The following KCNIP4 variants were observed in gnomAD, a reference collection of about 807,000 sequenced individuals.
The protein encoded by KCNIP4 is Kv channel-interacting protein 4.
KCNIP4 carries 12 observed loss-of-function variants against 34.0 expected under a neutral mutation model. The ratio of observed to expected loss-of-function variants is 0.35; its 90% confidence interval spans 0.23 to 0.57. The LOEUF is 0.57. KCNIP4 is among the 20% of genes least tolerant of loss of function. The probability of loss-of-function intolerance (pLI) is 0.83; values close to 1 mark genes in which losing one functional copy is unlikely to be tolerated. For synonymous variants in KCNIP4, 124 were observed against 102.2 expected (o/e 1.21, Z -1.29); for missense variants, 238 against 311.7 (o/e 0.76, Z 1.78).
At chr4:21,397,390 A>C (rs938874563) in intron 1 of KCNIP4, among the ~76,000 whole-genome samples, 12 of 152,196 alleles carry the variant, frequency 7.9e-5, no homozygotes, top group African/African-American at 2.9e-4. Flanking sequence ...CACATTTATC[A>C]ATAGCATACT....
chr4:20,877,167 G>A lies in KCNIP4; in HGVS notation c.163+5441C>T, dbSNP rs115093567. Among the ~76,000 whole-genome samples, 1,438 of 152,248 alleles carry A rather than the reference G, an allele frequency of 9.4e-3. 20 individuals carry two copies. Among genetic ancestry groups the A allele is most frequent in the African/African-American group, 0.032 (1,349 of 41,550 alleles). ...GTTGTGGTACTTATCATCTGGGCTC[G>A]CTCTTTGGTGAGTTGACAATAGCTG... is the stretch of plus-strand genomic sequence containing the variant. On this transcript the variant is annotated intron_variant, in intron 2 of 8. Coordinates refer to ENST00000382152, the MANE Select transcript of KCNIP4 (RefSeq NM_025221.6).
At chr4:21,544,627 G>C (rs1360076906) in intron 1 of KCNIP4, 1 of 152,200 alleles carries the variant, frequency 6.6e-6, no homozygotes, top group African/African-American at 2.4e-5. Context: ...AGGCTGCCCT[G>C]CATTCCTTCT....
intron 1 of KCNIP4, among the ~76,000 whole-genome samples, chr4:21,826,524 T>C (rs1179727354): frequency 4.6e-5 from 7 of 152,134 alleles, no homozygotes; most frequent in Non-Finnish European, 1.0e-4. Flanking sequence ...AGGTGTTTTT[T>C]AAATAATTTA....
intron 3 of KCNIP4, among the ~76,000 whole-genome samples, chr4:20,834,101 G>A (rs1718757745): frequency 6.6e-6 from 1 of 152,086 alleles, no homozygotes. Flanking sequence ...ACAGAGACCA[G>A]GACTGAAACC....
intron 1 of KCNIP4, among the ~76,000 whole-genome samples, chr4:21,728,186 C>T (rs2109106297): frequency 6.6e-6 from 1 of 152,262 alleles, no homozygotes; most frequent in Non-Finnish European, 1.5e-5. Context: ...CATGTATCAA[C>T]ACAGCCAATT....
At chr4:21,741,323 G>C (rs1047128497) in intron 1 of KCNIP4, among the ~76,000 whole-genome samples, 2 of 152,144 alleles carry the variant, frequency 1.3e-5, no homozygotes, top group African/African-American at 4.8e-5. Flanking sequence ...TAGGTCTGCA[G>C]GGAACTCAAA....
At chr4:21,553,116 T>C (rs891850959) in intron 1 of KCNIP4, among the ~76,000 whole-genome samples, 3 of 143,540 alleles carry the variant, frequency 2.1e-5, no homozygotes, top group Non-Finnish European at 4.5e-5. Context: ...TGTAAAAGCC[T>C]AGAAAATAAC....
At chr4:20,957,838 G>T (rs1215792439) in intron 1 of KCNIP4, among the ~76,000 whole-genome samples, 1 of 152,096 alleles carries the variant, frequency 6.6e-6, no homozygotes, top group Non-Finnish European at 1.5e-5. Context: ...AAAAATAATG[G>T]TATAATTTGC....
intron 3 of KCNIP4, among the ~76,000 whole-genome samples, chr4:20,816,255 A>G (rs1451028843): frequency 6.9e-6 from 1 of 145,588 alleles, no homozygotes; most frequent in Non-Finnish European, 1.5e-5. Flanking sequence ...CTCCATCTCA[A>G]AAAAAAAAAA....
Position 21,147,962 on chromosome 4 carries a change from A to AAAAAAAAAAAG in KCNIP4, c.62-265254_62-265253insCTTTTTTTTTT, listed in dbSNP as rs1553945858. Among the ~76,000 whole-genome samples the AAAAAAAAAAAG allele has an allele frequency of 4.6e-4, 57 of 123,872 alleles. 1 individual carries two copies. The highest frequency in any genetic ancestry group is 8.4e-4 in the South Asian group (3 of 3,554). 81.3% of individuals were successfully genotyped at this position (123,872 alleles called of 152,430 possible). On this transcript the variant is annotated intron_variant, in intron 1 of 8. Transcript: ENST00000382152. ...CTCAAAAAAAAAAAAAAAAAAAAAG[A>AAAAAAAAAAAG]AAAAAAGTTCAAGTACTTTGGGAAT... is the stretch of plus-strand genomic sequence containing the variant.
intron 1 of KCNIP4, among the ~76,000 whole-genome samples, chr4:21,455,355 C>T (rs1301575156): frequency 6.6e-6 from 1 of 152,008 alleles, no homozygotes; most frequent in Non-Finnish European, 1.5e-5. Context: ...TCTCCAATTA[C>T]TTTATAAACT....
chr4:20,838,111 C>T lies in KCNIP4; in HGVS notation c.288+12432G>A, dbSNP rs1719293051. Among the ~76,000 whole-genome samples, 2 of 152,126 alleles carry T rather than the reference C, an allele frequency of 1.3e-5. 1 individual carries two copies. Among genetic ancestry groups the T allele is most frequent in the South Asian group, 4.1e-4 (2 of 4,824 alleles). Reference sequence around the variant, plus strand: ...TTGCATGGGCTCTGTGCTGTGAAGACTAGGTTCTATGTGCAACAAGTTCTA... The same window carrying T: ...TTGCATGGGCTCTGTGCTGTGAAGATTAGGTTCTATGTGCAACAAGTTCTA... On this transcript the variant is annotated intron_variant, in intron 3 of 8. Coordinates refer to ENST00000382152, the MANE Select transcript of KCNIP4 (RefSeq NM_025221.6).
chr4:21,814,052 T>A (rs1049465391), intron 1 of KCNIP4, among the ~76,000 whole-genome samples: 1 of 151,868 alleles, frequency 6.6e-6, no homozygotes. Flanking sequence ...GTCAAGCCGG[T>A]TTTTTTTAAT....
intron 1 of KCNIP4, among the ~76,000 whole-genome samples, chr4:21,379,518 A>G (rs1721283616): frequency 6.6e-6 from 1 of 152,190 alleles, no homozygotes; most frequent in African/African-American, 2.4e-5. Flanking sequence ...TTTTACTACT[A>G]GGTGGGAGAG....
chr4:21,054,140 C>G (rs1197460981), intron 1 of KCNIP4, among the ~76,000 whole-genome samples: 1 of 151,904 alleles, frequency 6.6e-6, no homozygotes, highest in Non-Finnish European at 1.5e-5. Flanking sequence ...GCAAAAGATA[C>G]AGAATAGCCA....
chr4:21,253,777 C>T (rs1412439959), intron 1 of KCNIP4, among the ~76,000 whole-genome samples: 5 of 152,170 alleles, frequency 3.3e-5, no homozygotes, highest in Non-Finnish European at 4.4e-5. Context: ...AGCAGCACTA[C>T]TCATAATAGC....
chr4:21,223,222 C>G (rs1172516612), intron 1 of KCNIP4, among the ~76,000 whole-genome samples: 17 of 152,006 alleles, frequency 1.1e-4, no homozygotes, highest in Admixed American at 1.1e-3. Flanking sequence ...AGAGAGAGAG[C>G]AAGATACTGG....
intron 2 of KCNIP4, among the ~76,000 whole-genome samples, chr4:20,864,621 T>A (rs1722681910): frequency 6.6e-6 from 1 of 152,004 alleles, no homozygotes; most frequent in Admixed American, 6.6e-5. Context: ...GAGAGGATGA[T>A]GCCCCACTTA....
chr4:21,808,535 A>G (rs1045445228), intron 1 of KCNIP4, among the ~76,000 whole-genome samples: 1 of 152,196 alleles, frequency 6.6e-6, no homozygotes, highest in African/African-American at 2.4e-5. Context: ...TTAACTGTTT[A>G]TGTCATCTGC....
Sources: allele counts gnomAD v4.1 joint callset (sites outside exome capture counted in the v4.1 genomes callset), GRCh38; gene constraint gnomAD v4.1.1; transcripts MANE v1.5; gene names NCBI Gene and HGNC (gene_info 2026-07-23, HGNC 2026-07-21).